The following EPB41L2 variants were observed in gnomAD, a reference collection of about 807,000 sequenced individuals.
The protein encoded by EPB41L2 is erythrocyte membrane protein band 4.1 like 2, also known as band 4.1-like protein 2.
A neutral mutation model predicts 113.0 loss-of-function variants in EPB41L2; 43 were observed. The observed-to-expected ratio is 0.38, with a 90% CI of 0.30 to 0.49. The LOEUF is 0.49. Ranked by LOEUF, EPB41L2 falls within the 20% of genes least tolerant of loss-of-function variation. The pLI is 0.95. For missense variants in EPB41L2, 1,147 were observed against 1,223.4 expected (o/e 0.94, Z 0.93); for synonymous variants, 442 against 436.7 (o/e 1.01, Z -0.15).
rs531247519 is a variant in EPB41L2 at position 130,859,309 on chromosome 6, A to T, written c.2911-1066T>A. 1.5e-4 allele frequency among the ~76,000 whole-genome samples: 23 copies of T among 152,198 alleles called. 1 individual carries two copies. Among genetic ancestry groups the T allele is most frequent in the African/African-American group, 5.5e-4 (23 of 41,528 alleles). ...CGCCAACGCGGGCGATCACTTGAGG[A>T]CAGGAGTTCGAAACCAGCCTGGCCA... On this transcript the variant is annotated intron_variant, in intron 18 of 19. Transcript: ENST00000337057.
intron 1 of EPB41L2, among the ~76,000 whole-genome samples, chr6:131,053,909 G>T (rs1797114275): frequency 6.6e-6 from 1 of 152,240 alleles, no homozygotes; most frequent in South Asian, 2.1e-4. Context: ...TGGTCCAGCT[G>T]ATCTTACAAC....
At chr6:130,884,433 A>C (rs1205381466) in intron 12 of EPB41L2, among the ~76,000 whole-genome samples, 1 of 152,250 alleles carries the variant, frequency 6.6e-6, no homozygotes, top group African/African-American at 2.4e-5. Context: ...CATGCAAAAA[A>C]AAGTCGCTTT....
chr6:130,918,437 G>A lies in EPB41L2; in HGVS notation c.810+8168C>T, dbSNP rs150136573. Among the ~76,000 whole-genome samples, 608 of 152,048 alleles carry A rather than the reference G, an allele frequency of 4.0e-3. 10 individuals are homozygous for A. The highest frequency in any genetic ancestry group is 0.029 in the East Asian group (148 of 5,176). ...TTAAAGAGAGTCCAAAACCCTTAAC[G>A]ATGGTTTCATTTAGACATGAATACA... On this transcript the variant is annotated intron_variant, in intron 4 of 19. Transcript: ENST00000337057.
Position 130,956,125 on chromosome 6 carries a change from C to T in EPB41L2, c.361G>A (p.Glu121Lys), listed in dbSNP as rs1168625576. 6.2e-7 allele frequency: 1 copy of T among 1,614,122 alleles called. No individual in the cohort carries two copies. The highest frequency in any genetic ancestry group is 1.7e-5 in the Admixed American group (1 of 60,014). Residue 121 changes from glutamate to lysine, a missense_variant, in exon 2 of 20, where the codon GAA becomes AAA. Transcript: ENST00000337057. ...VLDKEEPLPE[E>K]QRQAKGDAEE... is the part of the protein sequence containing the mutation. ...GCATCACCCTTAGCCTGTCTCTGTTCTTCTGGAAGGGGTTCCTCTTTATCT... is the reference window on the plus strand; with the variant it reads ...GCATCACCCTTAGCCTGTCTCTGTTTTTCTGGAAGGGGTTCCTCTTTATCT...
intron 8 of EPB41L2, among the ~76,000 whole-genome samples, chr6:130,898,349 CATT>C (rs1464119611): frequency 1.3e-5 from 2 of 152,126 alleles, no homozygotes; most frequent in Admixed American, 6.6e-5. Context: ...GGAAAGACAT[CATT>C]GTGTGGGGAG....
intron 14 of EPB41L2, chr6:130,872,260 A>T: frequency 1.2e-6 from 1 of 816,014 alleles, no homozygotes; most frequent in Non-Finnish European, 1.6e-6. Context: ...CCCAGGAAGA[A>T]TTAATTTCAC....
intron 19 of EPB41L2, among the ~76,000 whole-genome samples, chr6:130,848,536 T>A (rs1204510698): frequency 3.3e-5 from 5 of 152,230 alleles, no homozygotes; most frequent in Non-Finnish European, 5.9e-5. Context: ...AAATATCTTA[T>A]ACTTACAACA....
Position 130,863,788 on chromosome 6 carries a change from A to G in EPB41L2, c.2830-70T>C, listed in dbSNP as rs1030037642. Reference sequence around the variant, plus strand: ...GCACGTTTACACAGTCAGAGCAAACAGAGATGGGAGTCCACCTAGACCTGT... The same window carrying G: ...GCACGTTTACACAGTCAGAGCAAACGGAGATGGGAGTCCACCTAGACCTGT... On this transcript the variant is annotated intron_variant, in intron 17 of 19. Transcript: ENST00000337057. 3.0e-6 allele frequency: 3 copies of G among 996,762 alleles called. No homozygotes were observed. The Admixed American group carries it at 5.4e-5, about 18-fold the overall frequency. 61.7% of individuals were successfully genotyped at this position (996,762 alleles called of 1,614,324 possible). A position where few individuals can be genotyped will look rare whatever the true frequency, so the allele number is the denominator to read the frequency against.
chr6:130,983,006 A>C (rs1210565514), intron 1 of EPB41L2, among the ~76,000 whole-genome samples: 1 of 152,254 alleles, frequency 6.6e-6, no homozygotes, highest in East Asian at 1.9e-4. Flanking sequence ...AATTCTTGAC[A>C]TCACACCATG....
intron 1 of EPB41L2, among the ~76,000 whole-genome samples, chr6:131,046,848 T>C (rs1201087157): frequency 6.6e-6 from 1 of 152,222 alleles, no homozygotes; most frequent in Non-Finnish European, 1.5e-5. Flanking sequence ...GCATGAAAAC[T>C]ATCCCCTAAT....
intron 1 of EPB41L2, among the ~76,000 whole-genome samples, chr6:131,043,372 G>T (rs920826199): frequency 6.6e-6 from 1 of 151,996 alleles, no homozygotes; most frequent in Non-Finnish European, 1.5e-5. Flanking sequence ...TATACTCTTT[G>T]AGTGGTTTTA....
intron 1 of EPB41L2, among the ~76,000 whole-genome samples, chr6:130,962,962 G>A (rs1343774875): frequency 6.6e-6 from 1 of 152,270 alleles, no homozygotes; most frequent in Admixed American, 6.5e-5. Context: ...AGAGGAAGAG[G>A]AGGCCCCTTC....
At position 131,023,740 on chromosome 6, in the gene EPB41L2, TATATATCTATATATAGATATATAG is replaced by T. The variant is rs569392827; in HGVS notation, c.-15+39391_-15+39414del. Among the ~76,000 whole-genome samples, 8 of 21,922 alleles carry T rather than the reference TATATATCTATATATAGATATATAG, an allele frequency of 3.6e-4. No individual in the cohort carries two copies. The South Asian group carries it at 4.6e-3, about 13-fold the overall frequency. 14.4% of individuals were successfully genotyped at this position (21,922 alleles called of 152,430 possible). On this transcript the variant is annotated intron_variant, in intron 1 of 19. Transcript: ENST00000337057. The stretch of plus-strand genomic sequence containing the variant: ...GTGTGTGTGTGTGTGTATATATATC[TATATATCTATATATAGATATATAG>T]ATATATAGATATATAGATATATAGA...
chr6:130,987,671 C>G (rs1007532049), intron 1 of EPB41L2, among the ~76,000 whole-genome samples: 3 of 150,840 alleles, frequency 2.0e-5, no homozygotes, highest in African/African-American at 7.3e-5. Flanking sequence ...CCAGCCTGGG[C>G]AACAGAGCAA....
At chr6:130,963,991 A>G (rs536136334) in intron 1 of EPB41L2, among the ~76,000 whole-genome samples, 1 of 151,780 alleles carries the variant, frequency 6.6e-6, no homozygotes, top group Non-Finnish European at 1.5e-5. Context: ...CTGTGTAATA[A>G]TCAAAGCTGA....
At chr6:130,857,504 ACAGT>A (rs1165864840) in intron 19 of EPB41L2, among the ~76,000 whole-genome samples, 1 of 150,540 alleles carries the variant, frequency 6.6e-6, no homozygotes. Flanking sequence ...CCATTTTTAC[ACAGT>A]CAAAGAAATC....
At chr6:130,981,265 G>A (rs973125802) in intron 1 of EPB41L2, among the ~76,000 whole-genome samples, 1 of 152,152 alleles carries the variant, frequency 6.6e-6, no homozygotes, top group East Asian at 1.9e-4. Flanking sequence ...CTCCTTATCA[G>A]TACAGAGGCA....
At position 130,915,064 on chromosome 6, in the gene EPB41L2, G is replaced by A. The variant is rs140052746; in HGVS notation, c.811-6201C>T. The stretch of plus-strand genomic sequence containing the variant: ...CACGCCTGTAATCCCAGCACTTTGG[G>A]AGGCCGAGGCGGGCGGATCACGAGG... On this transcript the variant is annotated intron_variant, in intron 4 of 19. Coordinates refer to ENST00000337057, the MANE Select transcript of EPB41L2 (RefSeq NM_001431.4). 1.2e-3 allele frequency among the ~76,000 whole-genome samples: 180 copies of A among 152,284 alleles called. 1 individual carries two copies. Among genetic ancestry groups the A allele is most frequent in the African/African-American group, 4.3e-3 (177 of 41,534 alleles).
chr6:130,913,072 A>C (rs1799911822), intron 4 of EPB41L2, among the ~76,000 whole-genome samples: 1 of 152,188 alleles, frequency 6.6e-6, no homozygotes, highest in South Asian at 2.1e-4. Context: ...TGTGAACCCA[A>C]GGACTAACCC....
Sources: allele counts gnomAD v4.1 joint callset (sites outside exome capture counted in the v4.1 genomes callset), GRCh38; gene constraint gnomAD v4.1.1; transcripts MANE v1.5; gene names NCBI Gene and HGNC (gene_info 2026-07-23, HGNC 2026-07-21).